Variants in TBC1D19 observed in about 807,000 individuals in gnomAD.
The protein encoded by TBC1D19 is TBC1 domain family, member 19.
TBC1D19 carries 60 observed loss-of-function variants against 89.0 expected under a neutral mutation model. The observed-to-expected ratio is 0.67, with a 90% CI of 0.55 to 0.84. The LOEUF (loss-of-function observed/expected upper bound fraction) is 0.84. Ranked by LOEUF, TBC1D19 falls within the 40% of genes least tolerant of loss-of-function variation. The probability of loss-of-function intolerance (pLI) is 0.00; values close to 1 mark genes in which losing one functional copy is unlikely to be tolerated. For missense variants in TBC1D19, 500 were observed against 610.8 expected (o/e 0.82, Z 1.91); for synonymous variants, 189 against 199.7 (o/e 0.95, Z 0.45).
At chr4:26,790,777 C>T in the TBC1D19 span, among the ~76,000 whole-genome samples, 2 of 152,270 alleles carry the variant, frequency 1.3e-5, no homozygotes, top group South Asian at 4.1e-4. Context: ...AAAAATCTGT[C>T]ACTTTCCTCA....
chr4:26,852,786 A>AT, the TBC1D19 span, among the ~76,000 whole-genome samples: 5,891 of 151,874 alleles, frequency 0.039, 256 homozygotes, highest in African/African-American at 0.1. Flanking sequence ...TGCCCAGCTA[A>AT]TTTTTTGTAT....
intron 3 of TBC1D19, 113 bp downstream of exon 3, chr4:26,614,566 T>G (rs1299290767): frequency 3.4e-6 from 2 of 586,200 alleles, no homozygotes; most frequent in Admixed American, 3.8e-5. Context: ...ATCATTAATA[T>G]TTATACAGCA....
intron 7 of TBC1D19, among the ~76,000 whole-genome samples, chr4:26,649,919 A>G (rs75558245): frequency 0.48 from 72,230 of 151,462 alleles, 18,336 homozygotes; most frequent in Admixed American, 0.61. Flanking sequence ...GTGTCCATGC[A>G]TTCTCATTGT....
At chr4:26,700,156 A>G (rs1028572345) in intron 13 of TBC1D19, among the ~76,000 whole-genome samples, 3 of 152,074 alleles carry the variant, frequency 2.0e-5, no homozygotes, top group African/African-American at 7.2e-5. Context: ...GGACTATCAG[A>G]TGGAGAGGAG....
the TBC1D19 span, among the ~76,000 whole-genome samples, chr4:26,793,722 C>CA: frequency 0.079 from 6,245 of 78,610 alleles, 237 homozygotes; most frequent in African/African-American, 0.12. Flanking sequence ...GACTTCGTCT[C>CA]AAAAAAAAAA....
intron 13 of TBC1D19, among the ~76,000 whole-genome samples, chr4:26,717,443 C>T (rs997605109): frequency 7.2e-5 from 11 of 152,016 alleles, no homozygotes; most frequent in African/African-American, 2.2e-4. Context: ...CTAGCTTCTA[C>T]CCTTTATTAG....
At position 26,718,032 on chromosome 4, in the gene TBC1D19, A is replaced by C. The variant is rs984861007; in HGVS notation, c.1039+15A>C. On this transcript the variant is annotated intron_variant, in intron 14 of 20. Transcript: ENST00000264866. Reference sequence around the variant, plus strand: ...ATACATAAGAGGTAAATTTTTAATAATTTTAAGGAAGTATTAAGACTTACA... The same window carrying C: ...ATACATAAGAGGTAAATTTTTAATACTTTTAAGGAAGTATTAAGACTTACA... 9 of 1,586,798 alleles carry C rather than the reference A, an allele frequency of 5.7e-6. No homozygotes were observed. The highest frequency in any genetic ancestry group is 1.3e-5 in the African/African-American group (1 of 74,322).
At chr4:26,682,419 T>A (rs533581208) in intron 11 of TBC1D19, among the ~76,000 whole-genome samples, 1 of 152,310 alleles carries the variant, frequency 6.6e-6, no homozygotes, top group African/African-American at 2.4e-5. Context: ...GCCAAAGAAC[T>A]ATGTATTAAA....
chr4:26,748,817 C>T (rs1718789499), intron 19 of TBC1D19, among the ~76,000 whole-genome samples: 1 of 152,100 alleles, frequency 6.6e-6, no homozygotes, highest in African/African-American at 2.4e-5. Context: ...TCACTATCTC[C>T]CAACACCTAT....
the TBC1D19 span, among the ~76,000 whole-genome samples, chr4:26,786,878 G>A: frequency 6.6e-6 from 1 of 152,140 alleles, no homozygotes; most frequent in Non-Finnish European, 1.5e-5. Context: ...CATGAGTGCA[G>A]CAGCATTACA....
At chr4:26,804,836 G>A in the TBC1D19 span, among the ~76,000 whole-genome samples, 1 of 152,250 alleles carries the variant, frequency 6.6e-6, no homozygotes, top group Non-Finnish European at 1.5e-5. Context: ...TAGAAAGGTT[G>A]AAGAGGGAAA....
Position 26,587,993 on chromosome 4 carries a change from C to G in TBC1D19, c.99+3701C>G, listed in dbSNP as rs540611514. On this transcript the variant is annotated intron_variant, in intron 1 of 20. Transcript: ENST00000264866. ...TCTGTAGGATTTGTAGTGATAGCCCCTCCTTCCTTCCTTATACTGTCATAT... is the reference window on the plus strand; with the variant it reads ...TCTGTAGGATTTGTAGTGATAGCCCGTCCTTCCTTCCTTATACTGTCATAT... Among the ~76,000 whole-genome samples the G allele has an allele frequency of 4.0e-5, 6 of 149,034 alleles. No homozygotes were observed. In the East Asian group the frequency reaches 1.2e-3, roughly 29 times the overall value.
intron 11 of TBC1D19, 31 bp from the exon 12 acceptor site, chr4:26,683,643 CT>C: frequency 6.4e-7 from 1 of 1,556,438 alleles, no homozygotes; most frequent in Non-Finnish European, 8.8e-7. Context: ...TGTGATTGAC[CT>C]TTAATTTTTT....
chr4:26,695,739 T>C (rs1714717645), intron 13 of TBC1D19, among the ~76,000 whole-genome samples: 1 of 152,218 alleles, frequency 6.6e-6, no homozygotes, highest in Non-Finnish European at 1.5e-5. Context: ...CAACCCAGAA[T>C]TTCATATCCA....
At chr4:26,701,104 A>T (rs921675440) in intron 13 of TBC1D19, among the ~76,000 whole-genome samples, 2 of 152,132 alleles carry the variant, frequency 1.3e-5, no homozygotes, top group African/African-American at 4.8e-5. Context: ...TCAGTCCTAT[A>T]AGATCTGCAA....
At chr4:26,646,079 C>T (rs1365828394) in intron 7 of TBC1D19, among the ~76,000 whole-genome samples, 82 of 147,824 alleles carry the variant, frequency 5.5e-4, no homozygotes, top group Admixed American at 1.6e-3. Context: ...GCCGAGATCC[C>T]GCCACTGCAC....
chr4:26,640,681 G>A (rs892517263), intron 7 of TBC1D19, among the ~76,000 whole-genome samples: 3 of 152,178 alleles, frequency 2.0e-5, no homozygotes, highest in African/African-American at 4.8e-5. Flanking sequence ...ACTGTACCAG[G>A]AAAATCAGAA....
At chr4:26,640,886 A>T (rs988622055) in intron 7 of TBC1D19, among the ~76,000 whole-genome samples, 2 of 152,220 alleles carry the variant, frequency 1.3e-5, no homozygotes, top group African/African-American at 4.8e-5. Flanking sequence ...TAGGTAAACA[A>T]AGTGGCGGGA....
the TBC1D19 span, among the ~76,000 whole-genome samples, chr4:26,786,867 G>A: frequency 6.6e-6 from 1 of 152,130 alleles, no homozygotes; most frequent in Non-Finnish European, 1.5e-5. Flanking sequence ...GTGGGTGGGT[G>A]CATGAGTGCA....
Sources: allele counts gnomAD v4.1 joint callset (sites outside exome capture counted in the v4.1 genomes callset), GRCh38; gene constraint gnomAD v4.1.1; transcripts MANE v1.5; gene names NCBI Gene and HGNC (gene_info 2026-07-23, HGNC 2026-07-21).